MS4A13: variants seen among roughly 807,000 people sequenced by gnomAD.
MS4A13 encodes the protein membrane spanning 4-domains A13.
Under a neutral mutation model 18.4 loss-of-function variants are expected in MS4A13, and 21 were observed. That is an observed-to-expected ratio of 1.14 (90% confidence interval 0.81 to 1.64). The LOEUF is 1.64. Ranked by LOEUF, MS4A13 falls within the 40% of genes most tolerant of loss-of-function variation. The probability of loss-of-function intolerance (pLI) is 0.00; values close to 1 mark genes in which losing one functional copy is unlikely to be tolerated. For missense variants in MS4A13, 173 were observed against 176.8 expected, an observed-to-expected ratio of 0.98 and a Z score of 0.12; for synonymous variants, 62 against 57.2, an observed-to-expected ratio of 1.08 and a Z score of -0.38.
At chr11:60,527,396 C>CTGTGTGTG (rs1157163515) in intron 5 of MS4A13, among the ~76,000 whole-genome samples, 20 of 105,818 alleles carry the variant, frequency 1.9e-4, no homozygotes, top group African/African-American at 8.1e-4. Flanking sequence ...CTCTCTCTCT[C>CTGTGTGTG]TCTCTCTCTC....
chr11:60,529,400 C>T lies in MS4A13; in HGVS notation c.342C>T (p.Phe114=), dbSNP rs756952078. 22 of 1,607,956 alleles carry T rather than the reference C, an allele frequency of 1.4e-5. No homozygotes were observed. The South Asian group carries it at 2.3e-4, about 17-fold the overall frequency. The change falls in exon 6 of 7, where the codon TTC becomes TTT. Residue 114 remains phenylalanine (F), a synonymous_variant. Transcript: ENST00000378186. ...LGREVSRILL[F]FYGLEFSIAL... ...GGGAAGTATCACGTATTTTACTGTT[C>T]TTCTACGGTTTGGAATTTTCTATTG...
intron 5 of MS4A13, among the ~76,000 whole-genome samples, chr11:60,526,273 TA>T (rs1158595052): frequency 2.0e-5 from 3 of 152,218 alleles, no homozygotes; most frequent in African/African-American, 7.2e-5. Context: ...CTATAAATTA[TA>T]AGAAAATTGT....
At chr11:60,527,578 G>A (rs1325393496) in intron 5 of MS4A13, among the ~76,000 whole-genome samples, 1 of 152,098 alleles carries the variant, frequency 6.6e-6, no homozygotes, top group Non-Finnish European at 1.5e-5. Flanking sequence ...GCTCACGCCT[G>A]TAATCCCAGC....
chr11:60,519,802 A>T (rs1445339212), intron 3 of MS4A13, among the ~76,000 whole-genome samples: 2 of 152,204 alleles, frequency 1.3e-5, no homozygotes, highest in Non-Finnish European at 2.9e-5. Flanking sequence ...AATTTAAGTT[A>T]GTGATGGAAA....
chr11:60,523,588 A>G (rs539003594), intron 3 of MS4A13, among the ~76,000 whole-genome samples: 1 of 152,364 alleles, frequency 6.6e-6, no homozygotes, highest in Non-Finnish European at 1.5e-5. Context: ...TGAGTTATAT[A>G]TGATGTATCT....
chr11:60,539,496 C>T (rs1187195021), intron 6 of MS4A13, among the ~76,000 whole-genome samples: 1 of 151,822 alleles, frequency 6.6e-6, no homozygotes, highest in Non-Finnish European at 1.5e-5. Context: ...CTTTGAGATA[C>T]CATCACATGT....
chr11:60,527,705 G>A (rs971680404), intron 5 of MS4A13, among the ~76,000 whole-genome samples: 7 of 151,874 alleles, frequency 4.6e-5, no homozygotes, highest in African/African-American at 1.7e-4. Flanking sequence ...GCATGGCGGT[G>A]GGCACCTGTA....
intron 3 of MS4A13, among the ~76,000 whole-genome samples, chr11:60,518,487 TTAACTA>T (rs1319732454): frequency 6.6e-6 from 1 of 152,178 alleles, no homozygotes; most frequent in East Asian, 1.9e-4. Flanking sequence ...GCAAAGAATC[TTAACTA>T]TAATATCCAT....
At chr11:60,538,532 A>C (rs2086829164) in intron 6 of MS4A13, among the ~76,000 whole-genome samples, 1 of 151,924 alleles carries the variant, frequency 6.6e-6, no homozygotes, top group Non-Finnish European at 1.5e-5. Flanking sequence ...GTACCCCATA[A>C]ATATATCTGC....
chr11:60,527,410 C>CTCTCTCTCTGTGTGTGTG (rs1555024373), intron 5 of MS4A13, among the ~76,000 whole-genome samples: 1 of 28,788 alleles, frequency 3.5e-5, no homozygotes, highest in African/African-American at 1.6e-4. Flanking sequence ...CTCTCTCTCT[C>CTCTCTCTCTGTGTGTGTG]TGTGTGTGTG....
At chr11:60,521,036 C>T (rs867423727) in intron 3 of MS4A13, among the ~76,000 whole-genome samples, 51 of 152,234 alleles carry the variant, frequency 3.4e-4, no homozygotes, top group Admixed American at 7.8e-4. Context: ...GCTTGGGGCT[C>T]GCACCCTCTG....
intron 6 of MS4A13, among the ~76,000 whole-genome samples, chr11:60,531,423 T>C (rs2086765980): frequency 1.3e-5 from 2 of 152,196 alleles, no homozygotes; most frequent in Admixed American, 1.3e-4. Context: ...GCTATACACA[T>C]ACTAAGGAGA....
chr11:60,519,507 G>A (rs2086659715), intron 3 of MS4A13, among the ~76,000 whole-genome samples: 1 of 152,112 alleles, frequency 6.6e-6, no homozygotes, highest in Admixed American at 6.5e-5. Context: ...TTTGAGGAAA[G>A]GCAAGAGAAT....
chr11:60,529,889 G>C (rs1045260141), intron 6 of MS4A13, among the ~76,000 whole-genome samples: 2 of 151,952 alleles, frequency 1.3e-5, no homozygotes, highest in Non-Finnish European at 2.9e-5. Flanking sequence ...GTTTTTCTTA[G>C]TATTTAGCAT....
At chr11:60,535,407 TA>T (rs1565215373) in intron 6 of MS4A13, among the ~76,000 whole-genome samples, 2 of 125,456 alleles carry the variant, frequency 1.6e-5, no homozygotes, top group Non-Finnish European at 3.3e-5. Context: ...TCTACGCAAA[TA>T]AACTAGAAAA....
chr11:60,516,961 G>A (rs1278030813), intron 2 of MS4A13, among the ~76,000 whole-genome samples: 1 of 151,706 alleles, frequency 6.6e-6, no homozygotes, highest in Non-Finnish European at 1.5e-5. Context: ...TTTGCTGGAT[G>A]CCTTCTCTAT....
chr11:60,527,410 C>CTCTCTCTGTGTGTGTG (rs1555024373), intron 5 of MS4A13, among the ~76,000 whole-genome samples: 2 of 28,806 alleles, frequency 6.9e-5, no homozygotes, highest in African/African-American at 3.2e-4. Flanking sequence ...CTCTCTCTCT[C>CTCTCTCTGTGTGTGTG]TGTGTGTGTG....
Position 60,524,121 on chromosome 11 carries a change from AT to A in MS4A13, c.186+169del, listed in dbSNP as rs549915832. Among the ~76,000 whole-genome samples the A allele has an allele frequency of 7.2e-3, 1,103 of 152,330 alleles. 6 individuals carry two copies. The highest frequency in any genetic ancestry group is 0.011 in the Non-Finnish European group (768 of 68,022). On this transcript the variant is annotated intron_variant, in intron 4 of 6. Coordinates refer to ENST00000378186, the MANE Select transcript of MS4A13 (RefSeq NM_001012417.3). ...AGAACATAATTTAATATAGACAAAT[AT>A]ACTGTATTGGTTAAAATCATGATTA...
chr11:60,531,776 C>A (rs1379424471), intron 6 of MS4A13, among the ~76,000 whole-genome samples: 1 of 152,168 alleles, frequency 6.6e-6, no homozygotes, highest in African/African-American at 2.4e-5. Flanking sequence ...CTTTATTTGT[C>A]TGTGTCCTAG....
Sources: allele counts gnomAD v4.1 joint callset (sites outside exome capture counted in the v4.1 genomes callset), GRCh38; gene constraint gnomAD v4.1.1; transcripts MANE v1.5; gene names NCBI Gene and HGNC (gene_info 2026-07-23, HGNC 2026-07-21).